KIAA1217: variants seen among roughly 807,000 people sequenced by gnomAD.
KIAA1217 encodes sickle tail protein homolog.
A neutral mutation model predicts 163.9 loss-of-function variants in KIAA1217; 88 were observed. The ratio of observed to expected loss-of-function variants is 0.54; its 90% CI spans 0.45 to 0.64. KIAA1217 has a LOEUF of 0.64. KIAA1217 is among the 30% of genes least tolerant of loss of function. KIAA1217 has a pLI of 0.00. For synonymous variants in KIAA1217, 903 were observed against 923.1 expected, an observed-to-expected ratio of 0.98 and a Z score of 0.39; for missense variants, 2,372 against 2,475.0, an observed-to-expected ratio of 0.96 and a Z score of 0.88.
chr10:24,376,759 CTGAA>C (rs757802916), intron 2 of KIAA1217, among the ~76,000 whole-genome samples: 1 of 152,182 alleles, frequency 6.6e-6, no homozygotes, highest in South Asian at 2.1e-4. Flanking sequence ...CCCTGTCTGA[CTGAA>C]TGAATGAATG....
chr10:23,958,137 T>C (rs1035834203), intron 1 of KIAA1217, among the ~76,000 whole-genome samples: 1 of 152,190 alleles, frequency 6.6e-6, no homozygotes, highest in African/African-American at 2.4e-5. Context: ...AGTGGACTTT[T>C]AAGGACAAGG....
chr10:24,036,284 C>A (rs189182824), intron 2 of KIAA1217, among the ~76,000 whole-genome samples: 1 of 152,168 alleles, frequency 6.6e-6, no homozygotes, highest in African/African-American at 2.4e-5. Context: ...TGAGGATTTA[C>A]GTCAACAGAA....
intron 2 of KIAA1217, among the ~76,000 whole-genome samples, chr10:24,128,796 A>C (rs548783179): frequency 2.0e-5 from 3 of 152,352 alleles, no homozygotes; most frequent in African/African-American, 7.2e-5. Context: ...CAAAGACTTG[A>C]GATAAATAAG....
intron 1 of KIAA1217, among the ~76,000 whole-genome samples, chr10:23,739,740 G>C (rs1010570620): frequency 2.0e-5 from 3 of 152,200 alleles, no homozygotes; most frequent in East Asian, 3.9e-4. Flanking sequence ...CAGAGTAGAG[G>C]CAGGGAGACC....
At chr10:23,725,937 G>A (rs1464473826) in intron 1 of KIAA1217, among the ~76,000 whole-genome samples, 1 of 152,122 alleles carries the variant, frequency 6.6e-6, no homozygotes, top group Admixed American at 6.5e-5. Flanking sequence ...CTATACCTTA[G>A]AAATCAAGTT....
intron 2 of KIAA1217, among the ~76,000 whole-genome samples, chr10:24,141,701 A>G (rs147794067): frequency 5.0e-4 from 76 of 152,268 alleles, no homozygotes; most frequent in African/African-American, 1.8e-3. Flanking sequence ...CAGCACTCCA[A>G]AGGCTTTGAA....
At chr10:24,049,076 G>A (rs1477157191) in intron 2 of KIAA1217, among the ~76,000 whole-genome samples, 1 of 148,936 alleles carries the variant, frequency 6.7e-6, no homozygotes, top group East Asian at 2.0e-4. Context: ...ACTAATGAAT[G>A]AGAAGTAATA....
intron 1 of KIAA1217, among the ~76,000 whole-genome samples, chr10:23,802,922 G>A (rs993194799): frequency 3.3e-5 from 5 of 152,136 alleles, no homozygotes; most frequent in African/African-American, 1.2e-4. Context: ...AGCTAACTGT[G>A]TGACAGGCAC....
intron 13 of KIAA1217, among the ~76,000 whole-genome samples, chr10:24,526,477 T>A (rs2072206428): frequency 6.6e-6 from 1 of 152,136 alleles, no homozygotes; most frequent in South Asian, 2.1e-4. Context: ...ATCTCAACAT[T>A]TAAAGGATGT....
At chr10:24,346,441 C>T (rs1463151228) in intron 2 of KIAA1217, among the ~76,000 whole-genome samples, 1 of 151,988 alleles carries the variant, frequency 6.6e-6, no homozygotes, top group Non-Finnish European at 1.5e-5. Flanking sequence ...CACTGCACTC[C>T]AGCCTGGGGG....
At chr10:23,909,862 T>C (rs376321096) in intron 1 of KIAA1217, among the ~76,000 whole-genome samples, 35 of 152,270 alleles carry the variant, frequency 2.3e-4, no homozygotes, top group African/African-American at 7.9e-4. Flanking sequence ...CCTTGAGGAA[T>C]CCCCACACCT....
chr10:23,852,533 T>C (rs2131100978), intron 1 of KIAA1217, among the ~76,000 whole-genome samples: 1 of 152,342 alleles, frequency 6.6e-6, no homozygotes, highest in Admixed American at 6.5e-5. Context: ...ATAAGTAGTT[T>C]TTTTCCAATT....
chr10:23,857,060 C>G (rs548207940), intron 1 of KIAA1217, among the ~76,000 whole-genome samples: 1 of 152,240 alleles, frequency 6.6e-6, no homozygotes, highest in Non-Finnish European at 1.5e-5. Flanking sequence ...GAGATGAACC[C>G]GGTACCTCAG....
chr10:24,154,085 G>A (rs2064759622), intron 2 of KIAA1217, among the ~76,000 whole-genome samples: 1 of 150,130 alleles, frequency 6.7e-6, no homozygotes, highest in Non-Finnish European at 1.5e-5. Flanking sequence ...AGCCTCCCAA[G>A]TAGCTGGGAC....
intron 1 of KIAA1217, among the ~76,000 whole-genome samples, chr10:23,807,887 G>A (rs567129352): frequency 6.6e-6 from 1 of 152,290 alleles, no homozygotes; most frequent in South Asian, 2.1e-4. Context: ...AAGCCCATGG[G>A]AAAGCAGTTC....
intron 2 of KIAA1217, among the ~76,000 whole-genome samples, chr10:24,336,151 A>G (rs2046333252): frequency 6.6e-6 from 1 of 152,158 alleles, no homozygotes; most frequent in Non-Finnish European, 1.5e-5. Flanking sequence ...GTGAGGCAGG[A>G]GAATCTCGTG....
At chr10:23,842,011 G>T (rs1370376299) in intron 1 of KIAA1217, among the ~76,000 whole-genome samples, 1 of 151,952 alleles carries the variant, frequency 6.6e-6, no homozygotes, top group Non-Finnish European at 1.5e-5. Context: ...GGGATTACAG[G>T]CACGTGCTAC....
chr10:23,997,697 A>G (rs1385389072), intron 1 of KIAA1217, among the ~76,000 whole-genome samples: 1 of 152,184 alleles, frequency 6.6e-6, no homozygotes, highest in Non-Finnish European at 1.5e-5. Flanking sequence ...TGGGCCTTTC[A>G]CTGTCTGGCA....
At chr10:24,344,698 A>G (rs2047507385) in intron 2 of KIAA1217, among the ~76,000 whole-genome samples, 1 of 152,224 alleles carries the variant, frequency 6.6e-6, no homozygotes, top group African/African-American at 2.4e-5. Context: ...ATGGTCAGGG[A>G]ATAGCCCCTG....
Sources: gnomAD v4.1 joint callset for allele counts (sites outside exome capture counted in the v4.1 genomes callset) on GRCh38, gnomAD v4.1.1 for gene constraint, MANE v1.5 for transcripts, NCBI Gene and HGNC (gene_info 2026-07-23, HGNC 2026-07-21) for gene names.